SHPRH: variants seen among roughly 807,000 people sequenced by gnomAD.
SHPRH encodes the protein E3 ubiquitin-protein ligase SHPRH.
A neutral mutation model predicts 202.5 loss-of-function variants in SHPRH; 106 were observed. The observed-to-expected ratio is 0.52, with a 90% CI of 0.45 to 0.62. SHPRH has a LOEUF of 0.62. Among genes scored for constraint, SHPRH ranks in the 20% least tolerant of loss-of-function variants. The pLI is 0.00. For missense variants in SHPRH, 1,710 were observed against 2,020.0 expected (o/e 0.85, Z 2.94); for synonymous variants, 729 against 686.0 (o/e 1.06, Z -0.98).
intron 22 of SHPRH, 110 bp downstream of exon 22, chr6:145,919,234 TTAAA>T: frequency 7.2e-7 from 1 of 1,387,996 alleles, no homozygotes; most frequent in South Asian, 1.5e-5. Flanking sequence ...AAAATGGAGA[TTAAA>T]TACACACTTA....
intron 2 of SHPRH, among the ~76,000 whole-genome samples, chr6:145,877,287 G>C (rs142532789): frequency 7.6e-4 from 116 of 152,294 alleles, no homozygotes; most frequent in Admixed American, 1.3e-3. Flanking sequence ...AGCAATGTTT[G>C]AGGGTTCCAA....
At chr6:145,867,599 A>AATATATAT (rs374395571) in intron 2 of SHPRH, among the ~76,000 whole-genome samples, 254 of 21,520 alleles carry the variant, frequency 0.012, 13 homozygotes, top group Admixed American at 0.02. Flanking sequence ...TTCAAAAAAG[A>AATATATAT]ATATATATAT....
chr6:145,908,659 C>T (rs1183879849), intron 25 of SHPRH: 1 of 151,954 alleles, frequency 6.6e-6, no homozygotes, highest in East Asian at 1.9e-4. Flanking sequence ...GATATTAGAC[C>T]TCTGTCAGAT....
At chr6:145,920,480 T>C (rs898581651) in intron 21 of SHPRH, among the ~76,000 whole-genome samples, 1 of 152,074 alleles carries the variant, frequency 6.6e-6, no homozygotes, top group African/African-American at 2.4e-5. Context: ...TATGAACTGA[T>C]AGTACAAATA....
At chr6:145,941,949 CCTTA>C in intron 9 of SHPRH, 75 bp from the exon 10 acceptor site, 1 of 1,531,710 alleles carries the variant, frequency 6.5e-7, no homozygotes, top group Non-Finnish European at 8.8e-7. Flanking sequence ...TCATTTATAC[CCTTA>C]CTAAGTCCTC....
chr6:145,860,891 A>T (rs1418880254), downstream of SHPRH, among the ~76,000 whole-genome samples: 1 of 152,154 alleles, frequency 6.6e-6, no homozygotes, highest in Admixed American at 6.5e-5. Flanking sequence ...AGAATATACA[A>T]TGAGGAAAAG....
rs752453140 is a variant in SHPRH at position 145,888,095 on chromosome 6, G to C, written c.4880C>G (p.Thr1627Ser). The C allele has an allele frequency of 6.2e-7, 1 of 1,608,010 alleles. No homozygotes were observed. Among genetic ancestry groups the C allele is most frequent in the Non-Finnish European group, 8.5e-7 (1 of 1,175,172 alleles). ...RVHRIGQTKP[T>S]IVHRFLIKAT... ...TTTAATTAAGAATCTGTGTACAATA[G>C]TAGGTCTAAAAGGTACAGAAGAATT... The change falls in exon 29 of 30, where the codon ACT becomes AGT. Residue 1627 changes from threonine (T) to serine (S), a missense_variant. Thr to Ser is a moderately conservative substitution (Grantham distance 58). Coordinates refer to ENST00000275233, the MANE Select transcript of SHPRH (RefSeq NM_001042683.3).
chr6:145,958,322 A>G (rs1336773172), intron 1 of SHPRH, among the ~76,000 whole-genome samples: 1 of 152,220 alleles, frequency 6.6e-6, no homozygotes, highest in Non-Finnish European at 1.5e-5. Flanking sequence ...GTTGATTTAA[A>G]GAGCAAAAAC....
chr6:145,954,955 A>G lies in SHPRH; in HGVS notation c.368T>C (p.Leu123Pro). The G allele has an allele frequency of 6.2e-7, 1 of 1,613,880 alleles. No homozygotes were observed. ...TTCAATTAAACTCTGTGCAGGAAGA[A>G]GCTGAAGAGTTAATTCTCCTAGAAA... ...KAFLGELTLQLLPAQSLIENF... is the reference protein window; with the variant it reads ...KAFLGELTLQPLPAQSLIENF... Residue 123 changes from leucine (L) to proline (P), a missense_variant, in exon 2 of 30, where the codon CTT (leucine) becomes CCT (proline). Leu to Pro is a moderately conservative substitution (Grantham distance 98). This residue lies in a region of SHPRH where 459 missense variants were observed against 426.5 expected (regional missense o/e 1.08). Transcript: ENST00000275233.
Position 145,922,734 on chromosome 6 carries a change from T to C in SHPRH, c.3648A>G (p.Gly1216=), listed in dbSNP as rs1220425870. 1 of 1,612,048 alleles carries C rather than the reference T, an allele frequency of 6.2e-7. No individual in the cohort carries two copies. Among genetic ancestry groups the C allele is most frequent in the Non-Finnish European group, 8.5e-7 (1 of 1,178,824 alleles). ...ACTCAATAACATTACGAGATGGAGG[T>C]CCCTCCAGGTTTTTTACAGCCTCTC... is the stretch of plus-strand genomic sequence containing the variant. The part of the protein sequence containing the change: ...LVREAVKNLE[G]PPSRNVIESA... Residue 1216 remains glycine, a synonymous_variant, in exon 19 of 30, where the codon GGA becomes GGG. Transcript: ENST00000275233.
Position 145,933,046 on chromosome 6 carries a change from TCA to T in SHPRH, c.3112+9_3112+10del. The T allele has an allele frequency of 6.2e-7, 1 of 1,610,822 alleles. No homozygotes were observed. The highest frequency in any genetic ancestry group is 1.3e-5 in the African/African-American group (1 of 74,916). The stretch of plus-strand genomic sequence containing the variant: ...TTTGAAAGAATCAGAGATAAAGCAA[TCA>T]CCTTCTACCTTTAATAATATGAATG... On this transcript the variant is annotated intron_variant, in intron 14 of 29. Transcript: ENST00000275233.
intron 11 of SHPRH, among the ~76,000 whole-genome samples, chr6:145,936,587 A>G (rs1216596715): frequency 6.6e-6 from 1 of 152,112 alleles, no homozygotes; most frequent in African/African-American, 2.4e-5. Context: ...TCAGCCTCCC[A>G]AAGTGCTGGG....
At chr6:145,890,551 T>G (rs1202352071) in intron 28 of SHPRH, among the ~76,000 whole-genome samples, 1 of 152,138 alleles carries the variant, frequency 6.6e-6, no homozygotes, top group Non-Finnish European at 1.5e-5. Context: ...TGATCTTTAT[T>G]TGTTACCTTT....
rs370514860 is a variant in SHPRH, at chr6:145,940,823, A to G, written c.2491-22T>C. Reference sequence around the variant, plus strand: ...CAGCCTGATGAGAGGGAAAAATGAAATAAAAATGAAATCCAGAAAACCACA... The same window carrying G: ...CAGCCTGATGAGAGGGAAAAATGAAGTAAAAATGAAATCCAGAAAACCACA... On this transcript the variant is annotated intron_variant, in intron 10 of 29. Transcript: ENST00000275233. The G allele has an allele frequency of 4.1e-5, 66 of 1,612,214 alleles. No individual in the cohort carries two copies. The African/African-American group carries it at 7.7e-4, about 19-fold the overall frequency.
At position 145,941,809 on chromosome 6, in the gene SHPRH, A is replaced by G. The variant is rs745571820; in HGVS notation, c.2304T>C (p.Val768=). ...QPHFLAEQDI[V]IITYDVLRSE... ...AACGCAGTACATCATAGGTAATGAT[A>G]ACTATATCCTGTTCTGCCAAAAAAT... Residue 768 remains valine (V), a synonymous_variant, in exon 10 of 30, where the codon GTT becomes GTC. Coordinates refer to ENST00000275233, the MANE Select transcript of SHPRH (RefSeq NM_001042683.3). The G allele has an allele frequency of 1.2e-6, 2 of 1,614,024 alleles. No homozygotes were observed. The highest frequency in any genetic ancestry group is 1.7e-6 in the Non-Finnish European group (2 of 1,179,966).
intron 1 of SHPRH, among the ~76,000 whole-genome samples, chr6:145,962,825 T>C (rs1789232979): frequency 6.6e-6 from 1 of 152,200 alleles, no homozygotes; most frequent in South Asian, 2.1e-4. Context: ...AGGGTTAACA[T>C]AATCTTTTCC....
rs1377264189 is a variant in SHPRH, at chr6:145,926,250, T to C, written c.3248A>G (p.His1083Arg). The C allele has an allele frequency of 6.2e-7, 1 of 1,612,962 alleles. No individual in the cohort carries two copies. The highest frequency in any genetic ancestry group is 8.5e-7 in the Non-Finnish European group (1 of 1,179,264). ...HNLMELLIAR[H>R]PGIPPTLRDG... ...ACGCAAGGTAGGTGGTATCCCTGGG[T>C]GCCTGGCTATCAACAATTCCATCAA... Residue 1083 changes from histidine (H) to arginine (R), a missense_variant, in exon 16 of 30, where the codon CAC becomes CGC. His to Arg is a conservative substitution (Grantham distance 29). This residue lies in a region of SHPRH where 288 missense variants were observed against 317.8 expected (regional missense o/e 0.91). Coordinates refer to ENST00000275233, the MANE Select transcript of SHPRH (RefSeq NM_001042683.3).
chr6:145,946,391 C>A, intron 6 of SHPRH, 50 bp from the exon 7 acceptor site: 1 of 1,391,618 alleles, frequency 7.2e-7, no homozygotes, highest in Non-Finnish European at 9.8e-7. Flanking sequence ...TTTCAGTATT[C>A]TGAATTGCTT....
chr6:145,927,827 AGG>A (rs777677677), intron 14 of SHPRH, among the ~76,000 whole-genome samples: 11 of 151,984 alleles, frequency 7.2e-5, no homozygotes, highest in Non-Finnish European at 1.2e-4. Context: ...TCAGAAACTC[AGG>A]GATCTCCCTC....
Sources: gnomAD v4.1 joint callset for allele counts (sites outside exome capture counted in the v4.1 genomes callset) on GRCh38, gnomAD v4.1.1 for gene constraint, gnomAD v4.1.1 regional missense constraint, MANE v1.5 for transcripts, NCBI Gene and HGNC (gene_info 2026-07-23, HGNC 2026-07-21) for gene names.